ME2: variants seen among roughly 807,000 people sequenced by gnomAD.
The protein encoded by ME2 is NAD-dependent malic enzyme, mitochondrial.
In ME2, 60 loss-of-function variants were observed where a neutral mutation model predicts 73.7. That is an observed-to-expected ratio of 0.81 (90% CI 0.66 to 1.01). The LOEUF is 1.01. ME2 is among the 50% of genes least tolerant of loss of function. The pLI, the probability that ME2 is intolerant of heterozygous loss-of-function variation, is 0.00. For missense variants in ME2, 594 were observed against 705.5 expected (o/e 0.84, Z 1.79); for synonymous variants, 199 against 236.9 (o/e 0.84, Z 1.47).
At chr18:50,943,543 A>T (rs1170352538) in intron 15 of ME2, among the ~76,000 whole-genome samples, 1 of 152,056 alleles carries the variant, frequency 6.6e-6, no homozygotes, top group Non-Finnish European at 1.5e-5. Context: ...AGCTCAGGAG[A>T]TCTGCCCACC....
At chr18:50,941,864 C>A (rs180943811) in intron 15 of ME2, among the ~76,000 whole-genome samples, 18 of 151,524 alleles carry the variant, frequency 1.2e-4, no homozygotes, top group African/African-American at 4.1e-4. Context: ...TTTTTTTAAT[C>A]TTGCATATTT....
At chr18:50,881,273 G>C (rs1916314318) in intron 1 of ME2, among the ~76,000 whole-genome samples, 1 of 152,108 alleles carries the variant, frequency 6.6e-6, no homozygotes, top group Admixed American at 6.5e-5. Flanking sequence ...CTGACCTCAA[G>C]TGCTCCACCT....
intron 2 of ME2, among the ~76,000 whole-genome samples, chr18:50,900,270 TTTTATTTATTTATTTATTTATTTA>T (rs201561556): frequency 3.2e-4 from 45 of 140,854 alleles, no homozygotes; most frequent in African/African-American, 1.1e-3. Context: ...GTAAGAATAA[TTTTATTTATTTATTTATTTATTTA>T]TTTATTTATT....
intron 5 of ME2, 145 bp from the exon 6 acceptor site, chr18:50,917,202 G>A (rs1917306224): frequency 5.0e-6 from 3 of 600,420 alleles, no homozygotes; most frequent in South Asian, 5.3e-5. Flanking sequence ...TGCTTTGTTG[G>A]TTTACATTGG....
At chr18:50,914,195 G>T (rs1047797748) in intron 4 of ME2, among the ~76,000 whole-genome samples, 3 of 152,162 alleles carry the variant, frequency 2.0e-5, no homozygotes, top group Admixed American at 6.5e-5. Context: ...TGTGTTGCAG[G>T]TGTTCCCTGG....
Position 50,920,573 on chromosome 18 carries a change from A to C in ME2, c.844+8A>C, listed in dbSNP as rs147910635. The stretch of plus-strand genomic sequence containing the variant: ...TCAATGATGATATTCAAGGTAAAGC[A>C]AAAAAACTTCAGGGTTTTGATTCCT... On this transcript the variant is annotated splice_region_variant and intron_variant, in intron 8 of 15. Transcript: ENST00000321341. 2,918 of 1,574,270 alleles carry C rather than the reference A, an allele frequency of 1.9e-3. 63 individuals carry two copies. In the African/African-American group the frequency reaches 0.036, roughly 20 times the overall value.
At chr18:50,898,067 C>A (rs1001351473) in intron 2 of ME2, among the ~76,000 whole-genome samples, 11 of 152,188 alleles carry the variant, frequency 7.2e-5, no homozygotes, top group African/African-American at 2.6e-4. Context: ...CAGGAACTTA[C>A]CATGTAAAGA....
chr18:50,916,108 G>T, intron 4 of ME2, 60 bp from the exon 5 acceptor site: 1 of 1,147,216 alleles, frequency 8.7e-7, no homozygotes, highest in Non-Finnish European at 1.3e-6. Context: ...TTTCAATTAT[G>T]AACAAAAACT....
At chr18:50,946,555 A>G (rs1361047595) in intron 15 of ME2, among the ~76,000 whole-genome samples, 1 of 152,232 alleles carries the variant, frequency 6.6e-6, no homozygotes, top group Non-Finnish European at 1.5e-5. Flanking sequence ...TCCCCTGTAT[A>G]GGTTCTAGCC....
intron 1 of ME2, among the ~76,000 whole-genome samples, chr18:50,880,360 C>G (rs1210384655): frequency 1.3e-5 from 2 of 152,192 alleles, no homozygotes; most frequent in Non-Finnish European, 2.9e-5. Context: ...TCCTCCACCC[C>G]CACTCCCTTA....
In ME2 at chr18:50,926,025, A is replaced by G; in HGVS notation, c.1314+127A>G. On this transcript the variant is annotated intron_variant, in intron 12 of 15. Coordinates refer to ENST00000321341, the MANE Select transcript of ME2 (RefSeq NM_002396.5). ...ACAGCATGCATCTATGGGTGATCAA[A>G]GTCTGATATTAATTATTGCTTATAC... is the stretch of plus-strand genomic sequence containing the variant. 4.8e-6 allele frequency: 3 copies of G among 627,090 alleles called. No individual in the cohort carries two copies. The South Asian group carries it at 7.7e-5, about 16-fold the overall frequency. The allele number at this position is 627,090 out of a possible 1,614,324, so 38.8% of individuals were successfully genotyped here. A position where few individuals can be genotyped will look rare whatever the true frequency, so the allele number is the denominator to read the frequency against.
Position 50,928,582 on chromosome 18 carries a change from A to T in ME2, c.1314+2684A>T, listed in dbSNP as rs8088812. Among the ~76,000 whole-genome samples the T allele has an allele frequency of 2.8e-3, 426 of 152,264 alleles. 3 individuals are homozygous for T. Among genetic ancestry groups the T allele is most frequent in the African/African-American group, 9.6e-3 (398 of 41,532 alleles). On this transcript the variant is annotated intron_variant, in intron 12 of 15. Transcript: ENST00000321341. The stretch of plus-strand genomic sequence containing the variant: ...TGAGTGATGGATAGTGTAGAAAAAG[A>T]ACTATAGCAATAATTTAAGGCTGTG...
Position 50,926,475 on chromosome 18 carries a change from A to G in ME2, c.1314+577A>G, listed in dbSNP as rs138539005. On this transcript the variant is annotated intron_variant, in intron 12 of 15. Coordinates refer to ENST00000321341, the MANE Select transcript of ME2 (RefSeq NM_002396.5). ...TTAACAGTTTGACTATGGCGGACAT[A>G]TGCGTGGTTTTCTTTGTATTTATTC... 6.7e-3 allele frequency among the ~76,000 whole-genome samples: 1,021 copies of G among 152,288 alleles called. 10 individuals are homozygous for G. Among genetic ancestry groups the G allele is most frequent in the African/African-American group, 0.022 (922 of 41,542 alleles).
intron 13 of ME2, 125 bp from the exon 14 acceptor site, chr18:50,939,445 T>C (rs1243913280): frequency 3.4e-6 from 2 of 582,886 alleles, no homozygotes; most frequent in Admixed American, 6.3e-5. Context: ...TTCTTGGCTG[T>C]TTTCTGTTTG....
intron 2 of ME2, among the ~76,000 whole-genome samples, chr18:50,904,340 G>A (rs543800668): frequency 2.0e-5 from 3 of 150,100 alleles, no homozygotes; most frequent in Non-Finnish European, 4.4e-5. Flanking sequence ...GTGCAGTGGT[G>A]CAATCTCGGC....
intron 2 of ME2, among the ~76,000 whole-genome samples, chr18:50,903,744 T>C (rs889604801): frequency 1.3e-5 from 2 of 152,216 alleles, no homozygotes; most frequent in Non-Finnish European, 2.9e-5. Context: ...CCACTGTGCC[T>C]GGCCCAAAGC....
chr18:50,917,405 G>A lies in ME2; in HGVS notation c.527G>A (p.Gly176Glu). The A allele has an allele frequency of 6.2e-7, 1 of 1,613,582 alleles. No individual in the cohort carries two copies. Among genetic ancestry groups the A allele is most frequent in the Non-Finnish European group, 8.5e-7 (1 of 1,179,668 alleles). ...GGTCTTGGAGATCTGGGTGTCTATG[G>A]AATGGGAATTCCAGTAGGAAAACTT... ...ILGLGDLGVY[G>E]MGIPVGKLCL... Residue 176 changes from glycine (G) to glutamate (E), a missense_variant, in exon 6 of 16, where the codon GGA becomes GAA. Coordinates refer to ENST00000321341, the MANE Select transcript of ME2 (RefSeq NM_002396.5).
rs146127490 is a variant in ME2, at chr18:50,938,809, T to C, written c.1418-761T>C. Among the ~76,000 whole-genome samples, 83 of 152,198 alleles carry C rather than the reference T, an allele frequency of 5.5e-4. No individual in the cohort carries two copies. In the South Asian group the frequency reaches 7.5e-3, roughly 14 times the overall value. ...TATTCTAGAGCAGGAAATTCGAGAATATATAAAGTAGCTAAAATAGAAGAA... is the reference window on the plus strand; with the variant it reads ...TATTCTAGAGCAGGAAATTCGAGAACATATAAAGTAGCTAAAATAGAAGAA... On this transcript the variant is annotated intron_variant, in intron 13 of 15. Transcript: ENST00000321341.
chr18:50,908,136 A>G lies in ME2; in HGVS notation c.182A>G (p.Gln61Arg), dbSNP rs966012619. The change falls in exon 3 of 16, where the codon CAA becomes CGA. Residue 61 changes from glutamine (Q) to arginine (R), a missense_variant. Coordinates refer to ENST00000321341, the MANE Select transcript of ME2 (RefSeq NM_002396.5). The part of the protein sequence containing the change: ...QGLLPPKIET[Q>R]DIQALRFHRN... Reference sequence around the variant, plus strand: ...CTTCTACCTCCCAAAATAGAGACACAAGATATTCAAGCCTTACGATTTCAT... The same window carrying G: ...CTTCTACCTCCCAAAATAGAGACACGAGATATTCAAGCCTTACGATTTCAT... 3 of 1,607,754 alleles carry G rather than the reference A, an allele frequency of 1.9e-6. No individual in the cohort carries two copies. Among genetic ancestry groups the G allele is most frequent in the African/African-American group, 1.3e-5 (1 of 74,780 alleles).
Sources: gnomAD v4.1 joint callset for allele counts (sites outside exome capture counted in the v4.1 genomes callset) on GRCh38, gnomAD v4.1.1 for gene constraint, MANE v1.5 for transcripts, NCBI Gene and HGNC (gene_info 2026-07-23, HGNC 2026-07-21) for gene names.